CNTNAP2: variants seen among roughly 807,000 people sequenced by gnomAD.
CNTNAP2 encodes the protein contactin associated protein 2.
In CNTNAP2, 98 loss-of-function variants were observed where a neutral mutation model predicts 155.2. The observed-to-expected ratio is 0.63, with a 90% CI of 0.54 to 0.75. CNTNAP2 has a LOEUF of 0.75. Among genes scored for constraint, CNTNAP2 ranks in the 30% least tolerant of loss-of-function variants. The pLI is 0.00. For missense variants in CNTNAP2, 1,727 were observed against 1,688.1 expected (o/e 1.02, Z -0.40); for synonymous variants, 651 against 631.2 (o/e 1.03, Z -0.47).
chr7:146,834,492 G>A (rs935560400), intron 2 of CNTNAP2, among the ~76,000 whole-genome samples: 1 of 152,026 alleles, frequency 6.6e-6, no homozygotes, highest in Non-Finnish European at 1.5e-5. Context: ...GAGTGAGGAA[G>A]GAAAGACAGA....
chr7:146,968,921 C>A (rs1244868811), intron 3 of CNTNAP2, among the ~76,000 whole-genome samples: 2 of 146,672 alleles, frequency 1.4e-5, no homozygotes, highest in Non-Finnish European at 3.0e-5. Flanking sequence ...AATTTTGGAT[C>A]TTTCCTGCTT....
chr7:147,058,597 G>A lies in CNTNAP2; in HGVS notation c.550+14543G>A, dbSNP rs577429848. 1.7e-4 allele frequency among the ~76,000 whole-genome samples: 25 copies of A among 147,720 alleles called. No homozygotes were observed. In the South Asian group the frequency reaches 2.4e-3, roughly 14 times the overall value. The stretch of plus-strand genomic sequence containing the variant: ...CACCTCAAAGGGTTCTTTTTTGTTC[G>A]TTTGTTTTGTTTTTGTTTTTGCTTT... On this transcript the variant is annotated intron_variant, in intron 4 of 23. Transcript: ENST00000361727.
At chr7:147,272,533 CTG>C (rs1563141689) in intron 8 of CNTNAP2, among the ~76,000 whole-genome samples, 1 of 151,822 alleles carries the variant, frequency 6.6e-6, no homozygotes, top group Non-Finnish European at 1.5e-5. Context: ...GAGTCCGGCT[CTG>C]TCGCCCAGGC....
intron 2 of CNTNAP2, among the ~76,000 whole-genome samples, chr7:146,838,996 A>T (rs1480108428): frequency 6.6e-6 from 1 of 152,146 alleles, no homozygotes; most frequent in Non-Finnish European, 1.5e-5. Context: ...ATTGATCTAT[A>T]TGAGTGCCAT....
intron 10 of CNTNAP2, among the ~76,000 whole-genome samples, chr7:147,414,092 A>G (rs1432624607): frequency 6.6e-6 from 1 of 152,126 alleles, no homozygotes; most frequent in Non-Finnish European, 1.5e-5. Flanking sequence ...CATATTAGCA[A>G]TGGAAACAGA....
At chr7:146,495,371 G>T (rs552491978) in intron 1 of CNTNAP2, among the ~76,000 whole-genome samples, 1 of 152,118 alleles carries the variant, frequency 6.6e-6, no homozygotes, top group Admixed American at 6.5e-5. Flanking sequence ...TTCATGATGT[G>T]GGGGAGAGTT....
intron 3 of CNTNAP2, among the ~76,000 whole-genome samples, chr7:146,922,901 G>T (rs1042154532): frequency 3.9e-5 from 6 of 152,112 alleles, no homozygotes; most frequent in Admixed American, 1.3e-4. Flanking sequence ...GAGAAAAAAA[G>T]ACGAGTATGT....
Position 148,134,348 on chromosome 7 carries a change from A to T in CNTNAP2, c.2555-13143A>T, listed in dbSNP as rs528451275. 7.2e-5 allele frequency among the ~76,000 whole-genome samples: 11 copies of T among 152,308 alleles called. No homozygotes were observed. The East Asian group carries it at 2.1e-3, about 29-fold the overall frequency. The stretch of plus-strand genomic sequence containing the variant: ...TCTGTCAAGTGTAATTATAACACTG[A>T]ATTATGCTCATCCTGCATTCCGGTT... On this transcript the variant is annotated intron_variant, in intron 16 of 23. Coordinates refer to ENST00000361727, the MANE Select transcript of CNTNAP2 (RefSeq NM_014141.6).
At chr7:146,399,709 T>C (rs1466761279) in intron 1 of CNTNAP2, among the ~76,000 whole-genome samples, 2 of 152,164 alleles carry the variant, frequency 1.3e-5, no homozygotes, top group Admixed American at 6.6e-5. Context: ...CTGTACCATA[T>C]GGTAGTTCTA....
At chr7:146,287,362 C>A (rs1419658703) in intron 1 of CNTNAP2, among the ~76,000 whole-genome samples, 1 of 152,052 alleles carries the variant, frequency 6.6e-6, no homozygotes, top group South Asian at 2.1e-4. Flanking sequence ...GCTTGCTTGG[C>A]GAATATTGAG....
chr7:146,398,153 A>G (rs1795659644), intron 1 of CNTNAP2, among the ~76,000 whole-genome samples: 1 of 140,790 alleles, frequency 7.1e-6, no homozygotes, highest in Non-Finnish European at 1.5e-5. Flanking sequence ...TGCAGGGACT[A>G]TAGGTGTGAG....
intron 11 of CNTNAP2, chr7:147,496,564 T>C (rs1281618147): frequency 6.6e-6 from 1 of 152,230 alleles, no homozygotes; most frequent in African/African-American, 2.4e-5. Flanking sequence ...GCTAATTTTA[T>C]ATTCTCTTGT....
chr7:146,253,636 C>A (rs1799790904), intron 1 of CNTNAP2, among the ~76,000 whole-genome samples: 1 of 152,120 alleles, frequency 6.6e-6, no homozygotes, highest in African/African-American at 2.4e-5. Flanking sequence ...TAATATTTAA[C>A]AGAGAGATGG....
At chr7:147,524,204 T>C (rs1799277312) in intron 11 of CNTNAP2, among the ~76,000 whole-genome samples, 1 of 152,198 alleles carries the variant, frequency 6.6e-6, no homozygotes, top group Admixed American at 6.5e-5. Context: ...TATTACTATA[T>C]ATGCCCACTG....
At chr7:147,936,112 T>C (rs1017049218) in intron 14 of CNTNAP2, among the ~76,000 whole-genome samples, 2 of 152,148 alleles carry the variant, frequency 1.3e-5, no homozygotes, top group African/African-American at 4.8e-5. Context: ...AATATATATG[T>C]TGGTTTTTAA....
intron 13 of CNTNAP2, among the ~76,000 whole-genome samples, chr7:147,696,902 C>T (rs1263816463): frequency 6.6e-6 from 1 of 152,010 alleles, no homozygotes; most frequent in African/African-American, 2.4e-5. Flanking sequence ...TTTTTCCCTC[C>T]CTCTGGCTTA....
At chr7:146,887,365 A>C (rs886901187) in intron 3 of CNTNAP2, among the ~76,000 whole-genome samples, 1 of 151,822 alleles carries the variant, frequency 6.6e-6, no homozygotes, top group Non-Finnish European at 1.5e-5. Flanking sequence ...TTTAATAGAG[A>C]CAGGTTTCTC....
chr7:148,016,658 G>T (rs1401193822), intron 15 of CNTNAP2, among the ~76,000 whole-genome samples: 1 of 152,302 alleles, frequency 6.6e-6, no homozygotes, highest in East Asian at 1.9e-4. Context: ...AAAATACAGA[G>T]AAGTTTAAAG....
At chr7:146,413,942 T>C (rs940961) in intron 1 of CNTNAP2, among the ~76,000 whole-genome samples, 6 of 152,146 alleles carry the variant, frequency 3.9e-5, no homozygotes, top group Non-Finnish European at 8.8e-5. Context: ...TTAACGACCT[T>C]ATAGACCAGG....
Sources: gnomAD v4.1 joint callset for allele counts (sites outside exome capture counted in the v4.1 genomes callset) on GRCh38, gnomAD v4.1.1 for gene constraint, MANE v1.5 for transcripts, NCBI Gene and HGNC (gene_info 2026-07-23, HGNC 2026-07-21) for gene names.